The following IGFBP2 variants were observed in gnomAD, a reference collection of about 807,000 sequenced individuals.
IGFBP2 encodes insulin like growth factor binding protein 2.
A neutral mutation model predicts 26.2 loss-of-function variants in IGFBP2; 12 were observed. The observed-to-expected ratio is 0.46, with a 90% CI of 0.29 to 0.74. The LOEUF (loss-of-function observed/expected upper bound fraction) is 0.74. Among genes scored for constraint, IGFBP2 ranks in the 30% least tolerant of loss-of-function variants. The pLI is 0.09. For missense variants in IGFBP2, 328 were observed against 441.2 expected (o/e 0.74, Z 2.30); for synonymous variants, 189 against 200.6 (o/e 0.94, Z 0.49).
At chr2:216,633,995 G>C (rs750096532) in intron 1 of IGFBP2, 30 bp downstream of exon 1, 3 of 1,564,332 alleles carry the variant, frequency 1.9e-6, no homozygotes, top group Non-Finnish European at 2.6e-6. Context: ...GTAGTTGGGA[G>C]AAACTTGGAG....
At chr2:216,646,977 C>T (rs1045476592) in intron 1 of IGFBP2, among the ~76,000 whole-genome samples, 2 of 152,166 alleles carry the variant, frequency 1.3e-5, no homozygotes, top group Non-Finnish European at 2.9e-5. Flanking sequence ...TGTCATACCA[C>T]CTGTAACACA....
intron 1 of IGFBP2, among the ~76,000 whole-genome samples, chr2:216,636,537 T>C (rs1697499719): frequency 6.6e-6 from 1 of 151,906 alleles, no homozygotes. Flanking sequence ...CTGGGGCTTG[T>C]TGGTTCAAAG....
chr2:216,637,843 A>G (rs1697530123), intron 1 of IGFBP2, among the ~76,000 whole-genome samples: 1 of 152,190 alleles, frequency 6.6e-6, no homozygotes, highest in South Asian at 2.1e-4. Flanking sequence ...GAGCTTCAAG[A>G]CTTTCAGGCA....
At chr2:216,639,020 T>G (rs1279293232) in intron 1 of IGFBP2, among the ~76,000 whole-genome samples, 1 of 143,860 alleles carries the variant, frequency 7.0e-6, no homozygotes, top group Non-Finnish European at 1.5e-5. Flanking sequence ...TTTTTTTTTT[T>G]TTTTTTTTTT....
At chr2:216,655,871 G>A (rs1020752992) in intron 1 of IGFBP2, among the ~76,000 whole-genome samples, 4 of 151,158 alleles carry the variant, frequency 2.6e-5, no homozygotes, top group African/African-American at 9.7e-5. Context: ...CTCCAGCCTG[G>A]GTGACAGAGC....
At chr2:216,659,484 G>A (rs1225208415) in intron 1 of IGFBP2, 2 of 559,568 alleles carry the variant, frequency 3.6e-6, no homozygotes, top group Non-Finnish European at 6.5e-6. Flanking sequence ...TCTCCAAGGG[G>A]TTGGGGCTGG....
intron 3 of IGFBP2, 57 bp from the exon 4 acceptor site, chr2:216,663,883 G>A: frequency 1.3e-6 from 2 of 1,568,104 alleles, no homozygotes; most frequent in African/African-American, 1.3e-5. Context: ...CGGGTTGAGG[G>A]ACAGAAGGAA....
Position 216,660,660 on chromosome 2 carries a change from G to T in IGFBP2, c.546G>T (p.Lys182Asn), listed in dbSNP as rs1260972167. ...GCAGTGCTGGCCGGAAGCCCCTCAA[G>T]TCGGGTATGAAGGAGCTGGCCGTGT... ...GGGSAGRKPL[K>N]SGMKELAVFR... Residue 182 changes from lysine (K) to asparagine (N), a missense_variant, in exon 2 of 4, where the codon AAG (lysine) becomes AAT (asparagine). By Grantham distance (94) the Lys-to-Asn change is moderately conservative. Coordinates refer to ENST00000233809, the MANE Select transcript of IGFBP2 (RefSeq NM_000597.3). 1.9e-6 allele frequency: 3 copies of T among 1,614,190 alleles called. No homozygotes were observed. The highest frequency in any genetic ancestry group is 4.5e-5 in the East Asian group (2 of 44,886).
intron 1 of IGFBP2, among the ~76,000 whole-genome samples, chr2:216,647,724 G>C (rs937246861): frequency 1.3e-5 from 2 of 152,112 alleles, no homozygotes; most frequent in Non-Finnish European, 2.9e-5. Context: ...GTTTCACCAT[G>C]TTAGCCAGGA....
chr2:216,661,614 C>G lies in IGFBP2; in HGVS notation c.673-244C>G, dbSNP rs1270691761. On this transcript the variant is annotated intron_variant, in intron 2 of 3. Transcript: ENST00000233809. ...TTCTGACACATGAAAGCCACGGTCACAGAACAAGGAGAGGAGTGAACATTC... is the reference window on the plus strand; with the variant it reads ...TTCTGACACATGAAAGCCACGGTCAGAGAACAAGGAGAGGAGTGAACATTC... 1.5e-5 allele frequency: 9 copies of G among 584,128 alleles called. No individual in the cohort carries two copies. The African/African-American group carries it at 1.7e-4, about 11-fold the overall frequency. 36.2% of individuals were successfully genotyped at this position (584,128 alleles called of 1,614,324 possible). A position where few individuals can be genotyped will look rare whatever the true frequency, so the allele number is the denominator to read the frequency against.
chr2:216,656,933 C>G (rs1482759146), intron 1 of IGFBP2, among the ~76,000 whole-genome samples: 1 of 152,146 alleles, frequency 6.6e-6, no homozygotes, highest in African/African-American at 2.4e-5. Context: ...GTCGAGGTCT[C>G]CAGAAACCCT....
At chr2:216,657,986 C>G (rs1320752986) in intron 1 of IGFBP2, among the ~76,000 whole-genome samples, 6 of 152,036 alleles carry the variant, frequency 3.9e-5, no homozygotes, top group Non-Finnish European at 8.8e-5. Context: ...ATTCCCTCCC[C>G]TTTTTGATGT....
intron 1 of IGFBP2, among the ~76,000 whole-genome samples, chr2:216,637,708 A>G (rs1254880058): frequency 6.6e-6 from 1 of 152,204 alleles, no homozygotes; most frequent in Non-Finnish European, 1.5e-5. Context: ...AGAAGAACCC[A>G]TCTGTTGTAT....
chr2:216,633,858 A>G lies in IGFBP2; in HGVS notation c.335A>G (p.Tyr112Cys), dbSNP rs1697438608. ...CGCTGCGGCCAGGGGCTGCGCTGCTATCCCCACCCGGGCTCCGAGCTGCCC... is the reference window on the plus strand; with the variant it reads ...CGCTGCGGCCAGGGGCTGCGCTGCTGTCCCCACCCGGGCTCCGAGCTGCCC... ...TPRCGQGLRC[Y>C]PHPGSELPLQ... Residue 112 changes from tyrosine (Y) to cysteine (C), a missense_variant, in exon 1 of 4, where the codon TAT becomes TGT. By Grantham distance (194) the Tyr-to-Cys change is radical (BLOSUM62 -2). Transcript: ENST00000233809. The G allele has an allele frequency of 3.2e-6, 5 of 1,565,446 alleles. No homozygotes were observed. The highest frequency in any genetic ancestry group is 3.4e-6 in the Non-Finnish European group (4 of 1,160,128).
chr2:216,652,659 C>T (rs1278699955), intron 1 of IGFBP2, among the ~76,000 whole-genome samples: 5 of 152,262 alleles, frequency 3.3e-5, no homozygotes, highest in South Asian at 2.1e-4. Context: ...TTAATGGAGT[C>T]GTCTAGAGAG....
At chr2:216,644,784 C>G (rs919750740) in intron 1 of IGFBP2, among the ~76,000 whole-genome samples, 7 of 152,156 alleles carry the variant, frequency 4.6e-5, no homozygotes. Context: ...GTTTTAGCCT[C>G]GAGATTCTCT....
intron 2 of IGFBP2, 172 bp downstream of exon 2, chr2:216,660,958 A>G (rs1688629610): frequency 1.6e-6 from 1 of 607,940 alleles, no homozygotes; most frequent in Non-Finnish European, 2.9e-6. Flanking sequence ...GGCAGTCAGT[A>G]TCTCTGGCTG....
rs974040538 is a variant in IGFBP2 at position 216,664,140 on chromosome 2, C to CGGGG, written c.*37_*38insGGGG. The CGGGG allele has an allele frequency of 6.7e-7, 1 of 1,498,162 alleles. No homozygotes were observed. Among genetic ancestry groups the CGGGG allele is most frequent in the Non-Finnish European group, 9.0e-7 (1 of 1,116,272 alleles). 92.8% of individuals were successfully genotyped at this position (1,498,162 alleles called of 1,614,324 possible). ...GCCGGTGCCTGGCGCCCCTGCCCCCCGCCCCTCTCCAAACACCGGCAGAAA... is the reference window on the plus strand; with the variant it reads ...GCCGGTGCCTGGCGCCCCTGCCCCCCGGGGGCCCCTCTCCAAACACCGGCAGAAA... On this transcript the variant is annotated 3_prime_UTR_variant, in exon 4 of 4. Coordinates refer to ENST00000233809, the MANE Select transcript of IGFBP2 (RefSeq NM_000597.3). The surrounding 1 kb of genome is among the most constrained non-coding windows in gnomAD (Gnocchi z 4.6).
intron 1 of IGFBP2, among the ~76,000 whole-genome samples, chr2:216,658,002 G>A (rs1697950491): frequency 6.6e-6 from 1 of 152,046 alleles, no homozygotes; most frequent in African/African-American, 2.4e-5. Flanking sequence ...GATGTCCCAA[G>A]ATCATCGTCA....
Sources: gnomAD v4.1 joint callset for allele counts (sites outside exome capture counted in the v4.1 genomes callset) on GRCh38, gnomAD v4.1.1 for gene constraint, Gnocchi (gnomAD v3.1) non-coding constraint, MANE v1.5 for transcripts, NCBI Gene and HGNC (gene_info 2026-07-23, HGNC 2026-07-21) for gene names.